ZDHHC5: variants seen among roughly 807,000 people sequenced by gnomAD.
The protein encoded by ZDHHC5 is zDHHC palmitoyltransferase 5.
In ZDHHC5, 22 loss-of-function variants were observed where a neutral mutation model predicts 70.0. The ratio of observed to expected loss-of-function variants is 0.31; its 90% CI spans 0.22 to 0.45. The LOEUF (loss-of-function observed/expected upper bound fraction) is 0.45. ZDHHC5 is among the 20% of genes least tolerant of loss of function. ZDHHC5 has a pLI of 1.00. For synonymous variants in ZDHHC5, 313 were observed against 347.8 expected, an observed-to-expected ratio of 0.90 and a Z score of 1.11; for missense variants, 746 against 926.9, an observed-to-expected ratio of 0.80 and a Z score of 2.53.
Position 57,696,800 on chromosome 11 carries a change from C to A in ZDHHC5, c.1049C>A (p.Thr350Asn). 6.2e-7 allele frequency: 1 copy of A among 1,614,082 alleles called. No individual in the cohort carries two copies. The highest frequency in any genetic ancestry group is 8.5e-7 in the Non-Finnish European group (1 of 1,179,940). Residue 350 changes from threonine (T) to asparagine (N), a missense_variant, in exon 10 of 12, where the codon ACC becomes AAC. By Grantham distance (65) the Thr-to-Asn change is moderately conservative. This residue lies in a region of ZDHHC5 where 179 missense variants were observed against 178.4 expected (regional missense o/e 1.00). Coordinates refer to ENST00000287169, the MANE Select transcript of ZDHHC5 (RefSeq NM_015457.3). ...LLAKDSPPTP[T>N]MYKYRPGYSS... ...GCCAAGGACAGCCCCCCGACACCTA[C>A]CATGTACAAGTATCGGCCGGGTTAC... is the stretch of plus-strand genomic sequence containing the variant.
At chr11:57,692,183 G>GT (rs1946293933) in intron 6 of ZDHHC5, among the ~76,000 whole-genome samples, 2 of 151,968 alleles carry the variant, frequency 1.3e-5, no homozygotes, top group African/African-American at 4.8e-5. Context: ...TGCCCGGCTA[G>GT]TTTTTATATA....
In ZDHHC5 at chr11:57,672,713, C is replaced by T; in HGVS notation, c.-378C>T. 5.4e-6 allele frequency: 1 copy of T among 185,140 alleles called. No homozygotes were observed. The highest frequency in any genetic ancestry group is 2.4e-3 in the Middle Eastern group (1 of 422). The allele number at this position is 185,140 out of a possible 1,614,324, so 11.5% of individuals were successfully genotyped here. On this transcript the variant is annotated 5_prime_UTR_variant, in exon 2 of 12. Coordinates refer to ENST00000287169, the MANE Select transcript of ZDHHC5 (RefSeq NM_015457.3). ...TCTCCTTCTTTTGAAGACCTGCCTC[C>T]ATCCATGAGCTGTATCTTGATCTGT... is the stretch of plus-strand genomic sequence containing the variant.
rs770532208 is a variant in ZDHHC5 at position 57,699,365 on chromosome 11, A to G, written c.1929A>G (p.Gln643=). 1.4e-5 allele frequency: 22 copies of G among 1,606,968 alleles called. No homozygotes were observed. The East Asian group carries it at 2.9e-4, about 21-fold the overall frequency. The change falls in exon 11 of 12, where the codon CAA becomes CAG. Residue 643 remains glutamine, a synonymous_variant. Transcript: ENST00000287169. ...TGTCTTACAGCAGCCAAAAAGCCCA[A>G]CCTGGTGTCTCTGAGACAGAAGAAG... is the stretch of plus-strand genomic sequence containing the variant. ...RSMSYSSQKA[Q]PGVSETEEVA...
intron 3 of ZDHHC5, among the ~76,000 whole-genome samples, chr11:57,687,697 A>G (rs1300410267): frequency 6.6e-6 from 1 of 151,936 alleles, no homozygotes; most frequent in Non-Finnish European, 1.5e-5. Flanking sequence ...GCAACAAATA[A>G]TACTGAAATA....
At chr11:57,686,409 G>A (rs1309080943) in intron 3 of ZDHHC5, among the ~76,000 whole-genome samples, 2 of 151,718 alleles carry the variant, frequency 1.3e-5, no homozygotes, top group Middle Eastern at 3.2e-3. Context: ...TCTGCCTTTC[G>A]GGTTCAAGCA....
chr11:57,695,972 C>T lies in ZDHHC5; in HGVS notation c.938C>T (p.Pro313Leu). Reference sequence around the variant, plus strand: ...AGCCAGTCTGCAGATGCTGAACCTCCACCTCCTCCTAAGCCAGACCTGAGC... The same window carrying T: ...AGCCAGTCTGCAGATGCTGAACCTCTACCTCCTCCTAAGCCAGACCTGAGC... Reference protein sequence around the residue: ...TESQSADAEPPPPPKPDLSRY... With the variant: ...TESQSADAEPLPPPKPDLSRY... Residue 313 changes from proline (P) to leucine (L), a missense_variant, in exon 9 of 12, where the codon CCA becomes CTA. This residue lies in a region of ZDHHC5 where 179 missense variants were observed against 178.4 expected (regional missense o/e 1.00). Transcript: ENST00000287169. 1.2e-6 allele frequency: 2 copies of T among 1,614,092 alleles called. No homozygotes were observed. Among genetic ancestry groups the T allele is most frequent in the African/African-American group, 1.3e-5 (1 of 75,006 alleles).
At chr11:57,678,110 T>C (rs1444668655) in intron 2 of ZDHHC5, among the ~76,000 whole-genome samples, 1 of 152,258 alleles carries the variant, frequency 6.6e-6, no homozygotes, top group Admixed American at 6.5e-5. Context: ...TCAAGCAATA[T>C]GCTAGGCATG....
At chr11:57,694,049 G>A in intron 8 of ZDHHC5, 134 bp downstream of exon 8, 4 of 1,213,350 alleles carry the variant, frequency 3.3e-6, no homozygotes, top group South Asian at 3.3e-5. Context: ...TGCCCAGGCT[G>A]GAGTGCAGTG....
intron 3 of ZDHHC5, among the ~76,000 whole-genome samples, chr11:57,687,527 C>T (rs1361908584): frequency 2.6e-5 from 4 of 151,912 alleles, no homozygotes; most frequent in East Asian, 3.9e-4. Context: ...GCCAAGATCA[C>T]GCCCTTGCAC....
At chr11:57,693,977 G>A in intron 8 of ZDHHC5, 62 bp downstream of exon 8, 1 of 1,537,770 alleles carries the variant, frequency 6.5e-7, no homozygotes, top group Non-Finnish European at 8.7e-7. Context: ...CAAAGAGACG[G>A]AAGCTTGCTT....
chr11:57,677,668 T>C lies in ZDHHC5; in HGVS notation c.104+4474T>C, dbSNP rs373397361. ...TCTTTTCAGGCTCCCATCCATTATA[T>C]AGTTTGCGGCTTTTCAGTTTCTGCC... On this transcript the variant is annotated intron_variant, in intron 2 of 11. Coordinates refer to ENST00000287169, the MANE Select transcript of ZDHHC5 (RefSeq NM_015457.3). Among the ~76,000 whole-genome samples, 7 of 152,148 alleles carry C rather than the reference T, an allele frequency of 4.6e-5. 1 individual carries two copies. Among genetic ancestry groups the C allele is most frequent in the South Asian group, 4.1e-4 (2 of 4,828 alleles).
Position 57,693,842 on chromosome 11 carries a change from C to T in ZDHHC5, c.812C>T (p.Pro271Leu). The part of the protein sequence containing the change: ...TIVIRPPFLR[P>L]EVSDGQITVK... ...GTAATCAGACCTCCCTTCCTTCGAC[C>T]AGAAGTTTCAGATGGGCAGATAACT... is the stretch of plus-strand genomic sequence containing the variant. The change falls in exon 8 of 12, where the codon CCA becomes CTA. Residue 271 changes from proline (P) to leucine (L), a missense_variant. Around this residue, in one of 6 missense-constraint regions of ZDHHC5, gnomAD observed 114 missense variants for 179.3 expected, o/e 0.64. Transcript: ENST00000287169. 7 of 1,610,156 alleles carry T rather than the reference C, an allele frequency of 4.3e-6. No homozygotes were observed. In the South Asian group the frequency reaches 5.5e-5, roughly 13 times the overall value.
intron 4 of ZDHHC5, 63 bp downstream of exon 4, chr11:57,688,728 TAATA>T (rs2135394729): frequency 6.7e-7 from 1 of 1,485,292 alleles, no homozygotes; most frequent in East Asian, 2.5e-5. Flanking sequence ...CCTAACCATA[TAATA>T]GATTCTTAGC....
rs919317555 is a variant in ZDHHC5 at position 57,678,439 on chromosome 11, T to C, written c.105-3983T>C. 8.4e-4 allele frequency among the ~76,000 whole-genome samples: 128 copies of C among 151,734 alleles called. 1 individual carries two copies. Among genetic ancestry groups the C allele is most frequent in the African/African-American group, 2.9e-3 (119 of 41,336 alleles). ...CAAAAAAATTAGCCAGGCGTGGTGG[T>C]GGGCGCCTGTAGTCCCAGCTACTCG... is the stretch of plus-strand genomic sequence containing the variant. On this transcript the variant is annotated intron_variant, in intron 2 of 11. Coordinates refer to ENST00000287169, the MANE Select transcript of ZDHHC5 (RefSeq NM_015457.3).
At chr11:57,695,131 G>A (rs777935169) in intron 8 of ZDHHC5, among the ~76,000 whole-genome samples, 2 of 152,058 alleles carry the variant, frequency 1.3e-5, no homozygotes, top group Non-Finnish European at 2.9e-5. Flanking sequence ...GCATGGTGGC[G>A]CATGCCTGTA....
chr11:57,699,464 A>G (rs372927555), intron 11 of ZDHHC5, 46 bp downstream of exon 11: 2 of 1,515,944 alleles, frequency 1.3e-6, no homozygotes, highest in Non-Finnish European at 1.8e-6. Flanking sequence ...TCAAATTAGC[A>G]TACTGCTCTG....
chr11:57,677,213 G>A (rs1052551929), intron 2 of ZDHHC5, among the ~76,000 whole-genome samples: 3 of 146,552 alleles, frequency 2.0e-5, no homozygotes, highest in East Asian at 2.1e-4. Flanking sequence ...GAGCCACCAC[G>A]CCCAGCCCCT....
chr11:57,675,005 C>T (rs1173980151), intron 2 of ZDHHC5, among the ~76,000 whole-genome samples: 2 of 152,234 alleles, frequency 1.3e-5, no homozygotes, highest in Non-Finnish European at 2.9e-5. Context: ...TGTCCTTCTT[C>T]ATACATTTAC....
intron 2 of ZDHHC5, among the ~76,000 whole-genome samples, chr11:57,675,615 C>T (rs1259405655): frequency 6.6e-6 from 1 of 152,206 alleles, no homozygotes; most frequent in African/African-American, 2.4e-5. Context: ...CTAGTTTCCA[C>T]AGGACCAATT....
Sources: gnomAD v4.1 joint callset for allele counts (sites outside exome capture counted in the v4.1 genomes callset) on GRCh38, gnomAD v4.1.1 for gene constraint, gnomAD v4.1.1 regional missense constraint, MANE v1.5 for transcripts, NCBI Gene and HGNC (gene_info 2026-07-23, HGNC 2026-07-21) for gene names.